Variants in CNTN4 observed in about 807,000 individuals in gnomAD.
CNTN4 encodes contactin 4.
Under a neutral mutation model 122.5 loss-of-function variants are expected in CNTN4, and 77 were observed. The observed-to-expected ratio is 0.63, with a 90% confidence interval of 0.52 to 0.76. The LOEUF (loss-of-function observed/expected upper bound fraction) is 0.76, where lower values mean the gene tolerates loss of function less well. Ranked by LOEUF, CNTN4 falls within the 30% of genes least tolerant of loss-of-function variation. The probability of loss-of-function intolerance (pLI) is 0.00; values close to 1 mark genes in which losing one functional copy is unlikely to be tolerated. For missense variants in CNTN4, 1,256 were observed against 1,259.1 expected (o/e 1.00, Z 0.04); for synonymous variants, 512 against 447.0 (o/e 1.15, Z -1.83).
intron 3 of CNTN4, among the ~76,000 whole-genome samples, chr3:2,484,861 C>G (rs1230778605): frequency 6.6e-6 from 1 of 152,202 alleles, no homozygotes; most frequent in Non-Finnish European, 1.5e-5. Flanking sequence ...GGGCCCCTCT[C>G]TGGGCTGGCC....
chr3:2,858,655 G>A (rs1412248303), intron 7 of CNTN4, among the ~76,000 whole-genome samples: 3 of 152,016 alleles, frequency 2.0e-5, no homozygotes, highest in Non-Finnish European at 2.9e-5. Context: ...CCCAGGTGGT[G>A]GAGGCTGCAC....
At chr3:2,908,203 T>G (rs1486609555) in intron 12 of CNTN4, among the ~76,000 whole-genome samples, 1 of 152,228 alleles carries the variant, frequency 6.6e-6, no homozygotes, top group Non-Finnish European at 1.5e-5. Context: ...AAACTGAATC[T>G]TCTATACGTA....
intron 4 of CNTN4, among the ~76,000 whole-genome samples, chr3:2,592,970 A>T (rs140200269): frequency 2.6e-5 from 4 of 152,342 alleles, no homozygotes; most frequent in African/African-American, 9.6e-5. Context: ...AGAGAAAAGC[A>T]GTGTCAGAAT....
intron 3 of CNTN4, among the ~76,000 whole-genome samples, chr3:2,422,194 A>G (rs941237122): frequency 2.0e-5 from 3 of 152,226 alleles, no homozygotes; most frequent in East Asian, 1.9e-4. Context: ...ATGCAGACCA[A>G]TTTCTGAAGT....
chr3:2,146,837 C>T (rs1347926992), intron 2 of CNTN4, among the ~76,000 whole-genome samples: 1 of 152,038 alleles, frequency 6.6e-6, no homozygotes, highest in African/African-American at 2.4e-5. Context: ...ATATCAGTTT[C>T]TTTTGTCTTT....
At chr3:3,052,555 G>A (rs1197070223) in intron 23 of CNTN4, among the ~76,000 whole-genome samples, 1 of 152,176 alleles carries the variant, frequency 6.6e-6, no homozygotes. Flanking sequence ...ATGAGCTTTA[G>A]TGGTTCTATA....
At chr3:2,552,864 G>A (rs1407054735) in intron 3 of CNTN4, among the ~76,000 whole-genome samples, 1 of 152,164 alleles carries the variant, frequency 6.6e-6, no homozygotes, top group East Asian at 1.9e-4. Context: ...TTTGACTGCA[G>A]ATGGTCTATG....
At chr3:2,878,551 C>CTGTGTG (rs1256548850) in intron 8 of CNTN4, among the ~76,000 whole-genome samples, 4 of 64,854 alleles carry the variant, frequency 6.2e-5, no homozygotes, top group Admixed American at 2.1e-4. Flanking sequence ...AAGAGATGCT[C>CTGTGTG]TCTGTGTGTG....
intron 2 of CNTN4, among the ~76,000 whole-genome samples, chr3:2,198,823 C>T (rs1200096337): frequency 6.6e-6 from 1 of 152,156 alleles, no homozygotes; most frequent in African/African-American, 2.4e-5. Context: ...ATCCCAAGTT[C>T]TTAAATTATG....
intron 8 of CNTN4, among the ~76,000 whole-genome samples, chr3:2,875,600 A>G (rs923498948): frequency 6.6e-6 from 1 of 152,218 alleles, no homozygotes; most frequent in African/African-American, 2.4e-5. Context: ...GAGCAGTAAC[A>G]GGGACTGTAT....
Position 2,426,925 on chromosome 3 carries a change from A to G in CNTN4, c.-89+87692A>G, listed in dbSNP as rs982147367. 5.3e-5 allele frequency among the ~76,000 whole-genome samples: 8 copies of G among 152,064 alleles called. No individual in the cohort carries two copies. In the East Asian group the frequency reaches 1.5e-3, roughly 29 times the overall value. On this transcript the variant is annotated intron_variant, in intron 3 of 24. Transcript: ENST00000418658. ...TGGGATCATTAATGATATCCCCTTTATCTTTTTTTATTACGTCTATTTGAT... is the reference window on the plus strand; with the variant it reads ...TGGGATCATTAATGATATCCCCTTTGTCTTTTTTTATTACGTCTATTTGAT...
At chr3:2,711,839 G>C (rs2087169720) in intron 4 of CNTN4, among the ~76,000 whole-genome samples, 1 of 152,140 alleles carries the variant, frequency 6.6e-6, no homozygotes, top group South Asian at 2.1e-4. Context: ...AGACCACCAA[G>C]GGTAACTTGT....
chr3:2,927,480 TGTTCC>T (rs2094484271), intron 13 of CNTN4: 2 of 323,574 alleles, frequency 6.2e-6, no homozygotes, highest in Non-Finnish European at 1.2e-5. Context: ...ACAGGTCACA[TGTTCC>T]TGCAACTCAG....
chr3:2,364,980 G>A (rs934310426), intron 3 of CNTN4, among the ~76,000 whole-genome samples: 3 of 152,040 alleles, frequency 2.0e-5, no homozygotes, highest in Non-Finnish European at 4.4e-5. Flanking sequence ...TTATTTATCC[G>A]TTGGGGATAA....
chr3:2,762,390 G>A (rs776137902), intron 6 of CNTN4, among the ~76,000 whole-genome samples: 2 of 152,138 alleles, frequency 1.3e-5, no homozygotes, highest in Non-Finnish European at 2.9e-5. Flanking sequence ...ATAGGTCCCA[G>A]TATCTGTTGT....
intron 12 of CNTN4, among the ~76,000 whole-genome samples, chr3:2,904,511 GC>G (rs1264215794): frequency 6.6e-6 from 1 of 152,158 alleles, no homozygotes; most frequent in Non-Finnish European, 1.5e-5. Flanking sequence ...TTTCAAAGAG[GC>G]CTAGTAATGG....
intron 3 of CNTN4, among the ~76,000 whole-genome samples, chr3:2,418,300 C>T (rs1456816371): frequency 6.6e-6 from 1 of 151,394 alleles, no homozygotes; most frequent in Non-Finnish European, 1.5e-5. Context: ...CTAAAGCTGC[C>T]TAGAAAAAAT....
At chr3:2,172,752 A>G (rs2036571825) in intron 2 of CNTN4, among the ~76,000 whole-genome samples, 1 of 152,204 alleles carries the variant, frequency 6.6e-6, no homozygotes, top group Non-Finnish European at 1.5e-5. Flanking sequence ...GGAGACTGAC[A>G]GTGGAGATGG....
intron 2 of CNTN4, among the ~76,000 whole-genome samples, chr3:2,226,127 G>A (rs2039272571): frequency 6.6e-6 from 1 of 151,572 alleles, no homozygotes. Flanking sequence ...CGGCACCCAC[G>A]TTTTGCTTTT....
Sources: gnomAD v4.1 joint callset for allele counts (sites outside exome capture counted in the v4.1 genomes callset) on GRCh38, gnomAD v4.1.1 for gene constraint, MANE v1.5 for transcripts, NCBI Gene and HGNC (gene_info 2026-07-23, HGNC 2026-07-21) for gene names.